IGHMBP2: variants seen among roughly 807,000 people sequenced by gnomAD.
IGHMBP2 encodes immunoglobulin mu DNA binding protein 2, also known as DNA-binding protein SMUBP-2.
A neutral mutation model predicts 96.0 loss-of-function variants in IGHMBP2; 81 were observed. The observed-to-expected ratio is 0.84, with a 90% CI of 0.71 to 1.01. The LOEUF (loss-of-function observed/expected upper bound fraction) is 1.01. Ranked by LOEUF, IGHMBP2 falls within the 50% of genes least tolerant of loss-of-function variation. The pLI is 0.00. For missense variants in IGHMBP2, 1,227 were observed against 1,306.3 expected (o/e 0.94, Z 0.94); for synonymous variants, 557 against 548.9 (o/e 1.01, Z -0.21).
At chr11:68,906,778 G>A (rs932688494) in intron 2 of IGHMBP2, among the ~76,000 whole-genome samples, 6 of 151,644 alleles carry the variant, frequency 4.0e-5, no homozygotes. Flanking sequence ...GAGTAGCTGG[G>A]ATTAGAGGCA....
intron 7 of IGHMBP2, among the ~76,000 whole-genome samples, chr11:68,928,396 A>G (rs1448610238): frequency 6.6e-6 from 1 of 152,214 alleles, no homozygotes; most frequent in Non-Finnish European, 1.5e-5. Flanking sequence ...CCATCTCTGA[A>G]GAGTCAATCT....
intron 8 of IGHMBP2, 139 bp from the exon 9 acceptor site, chr11:68,933,160 C>T (rs1363071001): frequency 2.1e-5 from 18 of 863,250 alleles, no homozygotes; most frequent in Non-Finnish European, 3.7e-6. Context: ...GCCAAACCCG[C>T]CCCTTGGTTA....
At chr11:68,921,506 G>A (rs1858875880) in intron 7 of IGHMBP2, among the ~76,000 whole-genome samples, 1 of 152,120 alleles carries the variant, frequency 6.6e-6, no homozygotes, top group African/African-American at 2.4e-5. Context: ...CTGTTCATAT[G>A]CCACCTCACA....
At chr11:68,910,714 TCTA>T (rs980662120) in intron 4 of IGHMBP2, among the ~76,000 whole-genome samples, 1 of 152,086 alleles carries the variant, frequency 6.6e-6, no homozygotes, top group Admixed American at 6.5e-5. Context: ...AATCCCCGTC[TCTA>T]CTAACAACAC....
chr11:68,904,382 C>G (rs1371320323), intron 1 of IGHMBP2, among the ~76,000 whole-genome samples: 1 of 152,150 alleles, frequency 6.6e-6, no homozygotes. Context: ...TGGTTTGCGC[C>G]CATTCTCAGT....
At chr11:68,932,139 C>G (rs998648431) in intron 8 of IGHMBP2, among the ~76,000 whole-genome samples, 1 of 144,990 alleles carries the variant, frequency 6.9e-6, no homozygotes, top group African/African-American at 2.6e-5. Flanking sequence ...GGTGGCATTC[C>G]CTGGAGAGAG....
chr11:68,934,611 T>G (rs1489977603), intron 11 of IGHMBP2, 53 bp downstream of exon 11: 1 of 1,338,870 alleles, frequency 7.5e-7, no homozygotes, highest in African/African-American at 1.4e-5. Context: ...TCACACAACC[T>G]AGAGGGTGAA....
chr11:68,904,803 C>CTTTTCTTTTTTTT (rs892709461), intron 1 of IGHMBP2, among the ~76,000 whole-genome samples: 3,645 of 120,752 alleles, frequency 0.03, 307 homozygotes, highest in African/African-American at 0.087. Context: ...TTTTCTTTTT[C>CTTTTCTTTTTTTT]TTTTTTTTTT....
Position 68,933,482 on chromosome 11 carries a change from G to T in IGHMBP2, c.1418+1G>T, listed in dbSNP as rs1160978570. ...CTTCCGTGGCAAGGCACCTCCTGAG[G>T]TGAGTAGCTCGGCACCACCCGCCGC... On this transcript the variant is annotated splice_donor_variant, in intron 9 of 14. Coordinates refer to ENST00000255078, the MANE Select transcript of IGHMBP2 (RefSeq NM_002180.3). LOFTEE classifies it high-confidence loss of function. 6.2e-7 allele frequency: 1 copy of T among 1,611,394 alleles called. No homozygotes were observed. The highest frequency in any genetic ancestry group is 8.5e-7 in the Non-Finnish European group (1 of 1,179,184).
chr11:68,933,578 G>A, intron 9 of IGHMBP2, 97 bp downstream of exon 9: 2 of 1,442,054 alleles, frequency 1.4e-6, no homozygotes, highest in South Asian at 2.4e-5. Flanking sequence ...GAAGCTTTCT[G>A]CATGAAAGTC....
At chr11:68,921,696 G>A (rs373714895) in intron 7 of IGHMBP2, among the ~76,000 whole-genome samples, 92 of 152,290 alleles carry the variant, frequency 6.0e-4, no homozygotes, top group Non-Finnish European at 1.1e-3. Flanking sequence ...ATTTGCCCGT[G>A]TAGTTACCAC....
At chr11:68,904,848 G>T (rs1858123966) in intron 1 of IGHMBP2, among the ~76,000 whole-genome samples, 1 of 134,096 alleles carries the variant, frequency 7.5e-6, no homozygotes. Context: ...GCCCAGGCTG[G>T]AGTGCAGTGG....
intron 7 of IGHMBP2, chr11:68,926,251 A>T (rs1040229886): frequency 1.4e-5 from 2 of 144,662 alleles, no homozygotes; most frequent in Non-Finnish European, 3.0e-5. Context: ...TCAACTCCAG[A>T]ATTTCTGTGT....
At chr11:68,932,939 C>G (rs887457227) in intron 8 of IGHMBP2, 2 of 342,228 alleles carry the variant, frequency 5.8e-6, no homozygotes, top group Admixed American at 4.0e-5. Flanking sequence ...AGCCGTGTTA[C>G]GTCTTCAAAT....
At chr11:68,920,978 T>A (rs1036419757) in intron 7 of IGHMBP2, among the ~76,000 whole-genome samples, 8 of 151,506 alleles carry the variant, frequency 5.3e-5, no homozygotes, top group African/African-American at 1.7e-4. Flanking sequence ...TTTTTTCCTT[T>A]TAGAGATGGG....
chr11:68,934,473 G>C lies in IGHMBP2; in HGVS notation c.1547G>C (p.Arg516Pro). The change falls in exon 11 of 15, where the codon CGC (arginine) becomes CCC (proline). Residue 516 changes from arginine to proline, a missense_variant. Arg to Pro is a moderately radical substitution (Grantham distance 103, BLOSUM62 -2). Transcript: ENST00000255078. Reference sequence around the variant, plus strand: ...CTTTCTTTCCCTCCAGGCGAAGTCCGCCTCGTCAGTTTGCACATCCAGGCT... The same window carrying C: ...CTTTCTTTCCCTCCAGGCGAAGTCCCCCTCGTCAGTTTGCACATCCAGGCT... ...EQSKGNPGEV[R>P]LVSLHIQALV... 1 of 1,609,052 alleles carries C rather than the reference G, an allele frequency of 6.2e-7. No individual in the cohort carries two copies. The highest frequency in any genetic ancestry group is 8.5e-7 in the Non-Finnish European group (1 of 1,177,552).
intron 7 of IGHMBP2, among the ~76,000 whole-genome samples, chr11:68,920,658 AT>A (rs1451840060): frequency 6.6e-6 from 1 of 151,836 alleles, no homozygotes; most frequent in Non-Finnish European, 1.5e-5. Context: ...CATTTTTTTG[AT>A]TTTTAATAGA....
chr11:68,935,627 G>T (rs894398932), intron 12 of IGHMBP2, among the ~76,000 whole-genome samples: 1 of 152,192 alleles, frequency 6.6e-6, no homozygotes, highest in Non-Finnish European at 1.5e-5. Context: ...CTGTCAGGGA[G>T]CAGGTGGCTG....
At chr11:68,927,773 C>G (rs1399593154) in intron 7 of IGHMBP2, among the ~76,000 whole-genome samples, 2 of 152,172 alleles carry the variant, frequency 1.3e-5, no homozygotes, top group African/African-American at 2.4e-5. Flanking sequence ...TGTGGTCTAC[C>G]AGAGGATTCC....
Sources: gnomAD v4.1 joint callset for allele counts (sites outside exome capture counted in the v4.1 genomes callset) on GRCh38, gnomAD v4.1.1 for gene constraint, MANE v1.5 for transcripts, NCBI Gene and HGNC (gene_info 2026-07-23, HGNC 2026-07-21) for gene names.